PRKCSH: variants seen among roughly 807,000 people sequenced by gnomAD.
PRKCSH encodes the protein glucosidase 2 subunit beta.
A neutral mutation model predicts 79.7 loss-of-function variants in PRKCSH; 42 were observed. That is an observed-to-expected ratio of 0.53 (90% CI 0.41 to 0.68). PRKCSH has a LOEUF of 0.68. PRKCSH is among the 30% of genes least tolerant of loss of function. The probability of loss-of-function intolerance (pLI) is 0.00; values close to 1 mark genes in which losing one functional copy is unlikely to be tolerated. For synonymous variants in PRKCSH, 325 were observed against 288.2 expected (o/e 1.13, Z -1.29); for missense variants, 686 against 709.0 (o/e 0.97, Z 0.37).
chr19:11,449,589 C>A lies in PRKCSH; in HGVS notation c.*16+161C>A. 1 of 981,056 alleles carries A rather than the reference C, an allele frequency of 1.0e-6. No homozygotes were observed. Among genetic ancestry groups the A allele is most frequent in the Non-Finnish European group, 1.5e-6 (1 of 667,878 alleles). The allele number at this position is 981,056 out of a possible 1,614,324, so 60.8% of individuals were successfully genotyped here. ...GTGGAGTCTCACTCTTTGGCCCAGG[C>A]TGGAGTGCAGTGATGCGACCTCAGC... On this transcript the variant is annotated intron_variant, in intron 17 of 17. Transcript: ENST00000677123. The surrounding 1 kb of genome is among the most constrained non-coding windows in gnomAD (Gnocchi z 6.4).
Position 11,448,581 on chromosome 19 carries a change from G to A in PRKCSH, c.1238G>A (p.Gly413Glu). The A allele has an allele frequency of 6.2e-7, 1 of 1,614,254 alleles. No individual in the cohort carries two copies. Among genetic ancestry groups the A allele is most frequent in the Non-Finnish European group, 8.5e-7 (1 of 1,180,044 alleles). Residue 413 changes from glycine to glutamate, a missense_variant, in exon 14 of 18, where the codon GGG becomes GAG. Gly to Glu is a moderately conservative substitution (Grantham distance 98). Transcript: ENST00000677123. This position sits in a 1 kb window ranked among gnomAD's most constrained non-coding sequence, Gnocchi z 4.4. ...ATTTCTTTTGACTTTGGCCCCAACG[G>A]GGAGTTTGCTTACCTGTACAGCCAG... ...QEISFDFGPN[G>E]EFAYLYSQCY...
chr19:11,441,480 G>C (rs1346944476), intron 6 of PRKCSH, 123 bp downstream of exon 6: 3 of 895,900 alleles, frequency 3.3e-6, no homozygotes. Flanking sequence ...CTGCCTTTCG[G>C]AGCTTTGCTT....
intron 9 of PRKCSH, among the ~76,000 whole-genome samples, 191 bp downstream of exon 9, chr19:11,446,541 G>A (rs1970310209): frequency 6.6e-6 from 1 of 151,964 alleles, no homozygotes; most frequent in Non-Finnish European, 1.5e-5. Context: ...TCGCGCTGGA[G>A]CCCGTTTCCC....
Position 11,448,088 on chromosome 19 carries a change from C to A in PRKCSH, c.1127-134C>A. Reference sequence around the variant, plus strand: ...GCTGCTCTATAGCTGGTGAGGCCCTCAAGGCTGTCGGGGTGAAGTCCTTGG... The same window carrying A: ...GCTGCTCTATAGCTGGTGAGGCCCTAAAGGCTGTCGGGGTGAAGTCCTTGG... On this transcript the variant is annotated intron_variant, in intron 12 of 17. Coordinates refer to ENST00000677123, the MANE Select transcript of PRKCSH (RefSeq NM_001289104.2). This position sits in a 1 kb window ranked among gnomAD's most constrained non-coding sequence, Gnocchi z 4.4. The A allele has an allele frequency of 9.8e-7, 1 of 1,021,370 alleles. No individual in the cohort carries two copies. Among genetic ancestry groups the A allele is most frequent in the Non-Finnish European group, 1.5e-6 (1 of 668,654 alleles). The allele number at this position is 1,021,370 out of a possible 1,614,324, so 63.3% of individuals were successfully genotyped here.
At chr19:11,439,180 G>A (rs564316173) in intron 5 of PRKCSH, among the ~76,000 whole-genome samples, 2 of 152,188 alleles carry the variant, frequency 1.3e-5, no homozygotes, top group Non-Finnish European at 2.9e-5. Flanking sequence ...GTGCTAAGCC[G>A]CCGCGCTTGG....
At chr19:11,442,683 C>G (rs775638716) in intron 7 of PRKCSH, among the ~76,000 whole-genome samples, 168 bp downstream of exon 7, 1 of 152,098 alleles carries the variant, frequency 6.6e-6, no homozygotes, top group Non-Finnish European at 1.5e-5. Context: ...ATGTCAGGAG[C>G]CTCCTTTTTA....
At chr19:11,443,809 C>CT (rs1159901255) in intron 7 of PRKCSH, among the ~76,000 whole-genome samples, 3 of 152,144 alleles carry the variant, frequency 2.0e-5, no homozygotes, top group Non-Finnish European at 4.4e-5. Flanking sequence ...GAGTCTCACT[C>CT]TGTCGCCTAG....
rs780048261 is a variant in PRKCSH, at chr19:11,436,127, C to T, written c.10C>T (p.Pro4Ser). Residue 4 changes from proline (P) to serine (S), a missense_variant, in exon 2 of 18, where the codon CCG (proline) becomes TCG (serine). This residue lies in a region of PRKCSH where 549 missense variants were observed against 520.2 expected (regional missense o/e 1.06). Coordinates refer to ENST00000677123, the MANE Select transcript of PRKCSH (RefSeq NM_001289104.2). The part of the protein sequence containing the change: MLL[P>S]LLLLLPMCWA... ...CAGAGCGTCTGGTGAGATGCTGTTG[C>T]CGCTGCTGCTGCTGCTACCCATGTG... is the stretch of plus-strand genomic sequence containing the variant. 3 of 1,608,694 alleles carry T rather than the reference C, an allele frequency of 1.9e-6. No homozygotes were observed. Among genetic ancestry groups the T allele is most frequent in the Non-Finnish European group, 2.5e-6 (3 of 1,179,524 alleles).
chr19:11,447,075 C>T lies in PRKCSH; in HGVS notation c.764C>T (p.Ala255Val), dbSNP rs746506576. The change falls in exon 10 of 18, where the codon GCC becomes GTC. Residue 255 changes from alanine (A) to valine (V), a missense_variant and splice_region_variant. This residue lies in a region of PRKCSH where 549 missense variants were observed against 520.2 expected (regional missense o/e 1.06). Coordinates refer to ENST00000677123, the MANE Select transcript of PRKCSH (RefSeq NM_001289104.2). This position sits in a 1 kb window ranked among gnomAD's most constrained non-coding sequence, Gnocchi z 5.6. ...TGACACCACCCCCAACACACACAGG[C>T]CCTCCTCAGTGGGGACACACAGACA... ...DGALSEAEAQ[A>V]LLSGDTQTDA... 55 of 1,613,818 alleles carry T rather than the reference C, an allele frequency of 3.4e-5. No homozygotes were observed. The highest frequency in any genetic ancestry group is 4.3e-5 in the Non-Finnish European group (51 of 1,179,824).
At position 11,448,842 on chromosome 19, in the gene PRKCSH, C is replaced by T. The variant is rs998821625; in HGVS notation, c.1287-72C>T. On this transcript the variant is annotated intron_variant, in intron 14 of 17. Coordinates refer to ENST00000677123, the MANE Select transcript of PRKCSH (RefSeq NM_001289104.2). The surrounding 1 kb of genome is among the most constrained non-coding windows in gnomAD (Gnocchi z 4.4). ...CCCTGTGTGTGGGGACTGGAGGAGG[C>T]GGTGGGGGGTGGCTGTGGGAGGAGG... 1.2e-4 allele frequency: 188 copies of T among 1,562,410 alleles called. No individual in the cohort carries two copies. The highest frequency in any genetic ancestry group is 5.8e-4 in the East Asian group (26 of 44,642).
intron 5 of PRKCSH, among the ~76,000 whole-genome samples, chr19:11,438,372 T>C (rs1237762496): frequency 6.6e-6 from 1 of 152,086 alleles, no homozygotes; most frequent in East Asian, 1.9e-4. Context: ...ACATAGGAGA[T>C]AGCAGAGCCG....
intron 5 of PRKCSH, among the ~76,000 whole-genome samples, chr19:11,439,287 G>C (rs1969933810): frequency 6.6e-6 from 1 of 152,016 alleles, no homozygotes; most frequent in Non-Finnish European, 1.5e-5. Context: ...GAAAAAATAA[G>C]ACCCGGCTCA....
intron 3 of PRKCSH, among the ~76,000 whole-genome samples, chr19:11,437,026 A>ACCGT (rs1969788955): frequency 1.4e-5 from 2 of 143,968 alleles, no homozygotes; most frequent in Admixed American, 1.4e-4. Context: ...CCTGGATGAG[A>ACCGT]CCGTGTCTTT....
rs1323944652 is a variant in PRKCSH, at chr19:11,448,940, A to G, written c.1313A>G (p.Lys438Arg). The G allele has an allele frequency of 3.7e-6, 6 of 1,614,122 alleles. No homozygotes were observed. Among genetic ancestry groups the G allele is most frequent in the Non-Finnish European group, 5.1e-6 (6 of 1,180,008 alleles). The change falls in exon 15 of 18, where the codon AAG becomes AGG. Residue 438 changes from lysine (K) to arginine (R), a missense_variant. Lys to Arg is a conservative substitution (Grantham distance 26). Around this residue, in one of 2 missense-constraint regions of PRKCSH, gnomAD observed 137 missense variants for 188.8 expected, o/e 0.73. Transcript: ENST00000677123. The surrounding 1 kb of genome is among the most constrained non-coding windows in gnomAD (Gnocchi z 4.4). ...NEYVYRLCPF[K>R]LVSQKPKLGG... Reference sequence around the variant, plus strand: ...TACGTCTACCGCCTCTGCCCCTTCAAGCTTGTCTCGCAGAAACCCAAACTC... The same window carrying G: ...TACGTCTACCGCCTCTGCCCCTTCAGGCTTGTCTCGCAGAAACCCAAACTC...
chr19:11,436,448 C>G lies in PRKCSH; in HGVS notation c.139C>G (p.Pro47Ala), dbSNP rs371111798. The part of the protein sequence containing the change: ...FTCLDGSATI[P>A]FDQVNDDYCD... ...CTGCCTGGACGGTTCGGCCACCATC[C>G]CATTTGATCAGGTCAACGATGACTA... The change falls in exon 3 of 18, where the codon CCA (proline) becomes GCA (alanine). Residue 47 changes from proline (P) to alanine (A), a missense_variant. Pro to Ala is a conservative substitution (Grantham distance 27). Coordinates refer to ENST00000677123, the MANE Select transcript of PRKCSH (RefSeq NM_001289104.2). 8.1e-6 allele frequency: 13 copies of G among 1,614,162 alleles called. No individual in the cohort carries two copies. Among genetic ancestry groups the G allele is most frequent in the Admixed American group, 3.3e-5 (2 of 60,016 alleles).
chr19:11,448,068 T>C lies in PRKCSH; in HGVS notation c.1127-154T>C. On this transcript the variant is annotated intron_variant, in intron 12 of 17. Transcript: ENST00000677123. The surrounding 1 kb of genome is among the most constrained non-coding windows in gnomAD (Gnocchi z 4.4). ...AGCCTGGGCAGCAAGTCGGGGCTGC[T>C]CTATAGCTGGTGAGGCCCTCAAGGC... The C allele has an allele frequency of 1.1e-6, 1 of 875,418 alleles. No individual in the cohort carries two copies. The highest frequency in any genetic ancestry group is 1.8e-6 in the Non-Finnish European group (1 of 542,588). 54.2% of individuals were successfully genotyped at this position (875,418 alleles called of 1,614,324 possible).
chr19:11,442,593 A>G (rs1970113901), intron 7 of PRKCSH, 78 bp downstream of exon 7: 1 of 1,561,094 alleles, frequency 6.4e-7, no homozygotes, highest in Non-Finnish European at 8.7e-7. Flanking sequence ...CCCGCTCATT[A>G]TCTGTTGTCA....
rs746233767 is a variant in PRKCSH, at chr19:11,448,871, G to C, written c.1287-43G>C. On this transcript the variant is annotated intron_variant, in intron 14 of 17. Coordinates refer to ENST00000677123, the MANE Select transcript of PRKCSH (RefSeq NM_001289104.2). This position sits in a 1 kb window ranked among gnomAD's most constrained non-coding sequence, Gnocchi z 4.4. Reference sequence around the variant, plus strand: ...GGGGGGTGGCTGTGGGAGGAGGCTGGAATCCCTGCGTTCCCCAACCCATAT... The same window carrying C: ...GGGGGGTGGCTGTGGGAGGAGGCTGCAATCCCTGCGTTCCCCAACCCATAT... The C allele has an allele frequency of 3.1e-6, 5 of 1,610,982 alleles. No homozygotes were observed. The South Asian group carries it at 5.5e-5, about 18-fold the overall frequency.
At chr19:11,446,920 C>A in intron 9 of PRKCSH, 154 bp from the exon 10 acceptor site, 1 of 770,900 alleles carries the variant, frequency 1.3e-6, no homozygotes, top group Non-Finnish European at 2.3e-6. Context: ...CTGCCCCCTC[C>A]TGGCCGCAGT....
Sources: gnomAD v4.1 joint callset for allele counts (sites outside exome capture counted in the v4.1 genomes callset) on GRCh38, gnomAD v4.1.1 for gene constraint, gnomAD v4.1.1 regional missense constraint, Gnocchi (gnomAD v3.1) non-coding constraint, MANE v1.5 for transcripts, NCBI Gene and HGNC (gene_info 2026-07-23, HGNC 2026-07-21) for gene names.